CYP2A6: variants seen among roughly 807,000 people sequenced by gnomAD.
CYP2A6 encodes the protein cytochrome P450 family 2 subfamily A member 6.
CYP2A6 carries 27 observed loss-of-function variants against 42.3 expected under a neutral mutation model. The observed-to-expected ratio is 0.64, with a 90% confidence interval of 0.47 to 0.88. CYP2A6 has a LOEUF of 0.88. Among genes scored for constraint, CYP2A6 ranks in the 40% least tolerant of loss-of-function variants. The pLI is 0.00. For synonymous variants in CYP2A6, 238 were observed against 246.3 expected (o/e 0.97, Z 0.31); for missense variants, 628 against 646.0 (o/e 0.97, Z 0.30).
At chr19:40,846,765 T>G in intron 5 of CYP2A6, 110 bp downstream of exon 5, 2 of 1,471,524 alleles carry the variant, frequency 1.4e-6, no homozygotes, top group African/African-American at 2.8e-5. Flanking sequence ...GTGAGGATTA[T>G]TATGATGAGG....
rs572409006 is a variant in CYP2A6 at position 40,848,384 on chromosome 19, G to C, written c.494-5C>G. The C allele has an allele frequency of 3.7e-5, 59 of 1,611,782 alleles. No homozygotes were observed. In the Admixed American group the frequency reaches 8.3e-4, roughly 23 times the overall value. ...AGGTGGGATCGATATTGGCGCCTGC[G>C]GGTATGGCGGGAGAAGGGGGTTGGG... On this transcript the variant is annotated splice_region_variant and splice_polypyrimidine_tract_variant and intron_variant, in intron 3 of 8. Transcript: ENST00000301141.
rs1313497071 is a variant in CYP2A6 at position 40,843,701 on chromosome 19, C to T, written c.*95G>A. On this transcript the variant is annotated 3_prime_UTR_variant, in exon 9 of 9. Transcript: ENST00000301141. The stretch of plus-strand genomic sequence containing the variant: ...ACGCCCCTTCCTTTCCGCCATCCTG[C>T]CCCCAGTCTTAGCTGCGCCCCTCTC... 6 of 1,308,048 alleles carry T rather than the reference C, an allele frequency of 4.6e-6. 1 individual carries two copies. Among genetic ancestry groups the T allele is most frequent in the African/African-American group, 2.9e-5 (2 of 68,568 alleles). The allele number at this position is 1,308,048 out of a possible 1,614,324, so 81.0% of individuals were successfully genotyped here.
In CYP2A6 at chr19:40,845,926, C is replaced by T. The variant is rs375518878; in HGVS notation, c.973+30G>A. ...GAAGGGGAATTTTGAGGGTCTGGGG[C>T]CCTCCACTTCCGTCCCCCTCCAGCC... On this transcript the variant is annotated intron_variant, in intron 6 of 8. Transcript: ENST00000301141. 83 of 1,606,066 alleles carry T rather than the reference C, an allele frequency of 5.2e-5. 3 individuals are homozygous for T. The African/African-American group carries it at 1.0e-3, about 20-fold the overall frequency.
intron 4 of CYP2A6, 69 bp downstream of exon 4, chr19:40,848,150 T>A: frequency 6.3e-7 from 1 of 1,590,826 alleles, no homozygotes; most frequent in African/African-American, 1.3e-5. Flanking sequence ...TTGGGGCACC[T>A]GTCTCCAGGT....
In CYP2A6 at chr19:40,850,179, C is replaced by A. The variant is rs1485253640; in HGVS notation, c.180+68G>T. 101 of 1,570,916 alleles carry A rather than the reference C, an allele frequency of 6.4e-5. 4 individuals are homozygous for A. The highest frequency in any genetic ancestry group is 7.9e-5 in the Non-Finnish European group (91 of 1,157,406). ...ACTCTGGTCCACACTGGTCAACCCCCTGCCACAAAGCCCCAGCCAACTAGG... is the reference window on the plus strand; with the variant it reads ...ACTCTGGTCCACACTGGTCAACCCCATGCCACAAAGCCCCAGCCAACTAGG... On this transcript the variant is annotated intron_variant, in intron 1 of 8. Transcript: ENST00000301141.
At chr19:40,848,836 C>T in intron 2 of CYP2A6, 73 bp from the exon 3 acceptor site, 2 of 1,531,350 alleles carry the variant, frequency 1.3e-6, no homozygotes, top group South Asian at 1.2e-5. Flanking sequence ...CTCCAAGGGG[C>T]TCCCCAAGGG....
intron 2 of CYP2A6, among the ~76,000 whole-genome samples, chr19:40,849,602 T>C (rs947393621): frequency 4.7e-5 from 7 of 149,018 alleles, no homozygotes; most frequent in African/African-American, 1.0e-4. Context: ...AATAAGGAGG[T>C]GGGGCAGAGA....
At chr19:40,848,792 A>G (rs1385282665) in intron 2 of CYP2A6, 29 bp from the exon 3 acceptor site, 27 of 1,595,510 alleles carry the variant, frequency 1.7e-5, no homozygotes, top group Non-Finnish European at 2.2e-5. Flanking sequence ...GAATGGAGAC[A>G]GGCCAGGGGG....
At chr19:40,850,017 C>T in intron 1 of CYP2A6, 37 bp from the exon 2 acceptor site, 1 of 1,606,634 alleles carries the variant, frequency 6.2e-7, no homozygotes, top group Non-Finnish European at 8.5e-7. Flanking sequence ...GAGGGAGAAG[C>T]CTCCACTCTG....
rs551667439 is a variant in CYP2A6, at chr19:40,847,342, G to A, written c.655-291C>T. ...CACATCTAGGTGTTCAGATATTCAA[G>A]TGAAGTTGAGTTGGAAGACACCTGT... On this transcript the variant is annotated intron_variant, in intron 4 of 8. Coordinates refer to ENST00000301141, the MANE Select transcript of CYP2A6 (RefSeq NM_000762.6). Among the ~76,000 whole-genome samples the A allele has an allele frequency of 7.9e-5, 12 of 151,402 alleles. No homozygotes were observed. The South Asian group carries it at 1.3e-3, about 16-fold the overall frequency.
rs1002622294 is a variant in CYP2A6, at chr19:40,844,106, A to G, written c.1304-129T>C. On this transcript the variant is annotated intron_variant, in intron 8 of 8. Transcript: ENST00000301141. ...ATATTATGGCCTGAGAGAGTTTCAG[A>G]GGAGGCTCTGATCCTCCCTGAGCCT... 219 of 1,443,998 alleles carry G rather than the reference A, an allele frequency of 1.5e-4. 3 individuals are homozygous for G. Among genetic ancestry groups the G allele is most frequent in the Non-Finnish European group, 2.0e-4 (217 of 1,096,566 alleles). 89.4% of individuals were successfully genotyped at this position (1,443,998 alleles called of 1,614,324 possible).
chr19:40,849,268 G>A (rs1967178677), intron 2 of CYP2A6, among the ~76,000 whole-genome samples: 1 of 150,908 alleles, frequency 6.6e-6, no homozygotes, highest in Admixed American at 6.6e-5. Context: ...AGATCTGGGA[G>A]GAGGAAATAA....
intron 5 of CYP2A6, 74 bp downstream of exon 5, chr19:40,846,801 C>T: frequency 6.4e-7 from 1 of 1,572,680 alleles, no homozygotes; most frequent in South Asian, 1.2e-5. Flanking sequence ...CCTGTGTCAT[C>T]TGCCTGCCCC....
At position 40,843,854 on chromosome 19, in the gene CYP2A6, T is replaced by C. The variant is rs6413474; in HGVS notation, c.1427A>G (p.Lys476Arg). The stretch of plus-strand genomic sequence containing the variant: ...TGGGATCGTGGCAAAGCCCACGTGT[T>C]TGGGGGACACGTCAATGTCCTTAGG... ...QSPKDIDVSP[K>R]HVGFATIPRN... The change falls in exon 9 of 9, where the codon AAA (lysine) becomes AGA (arginine). Residue 476 changes from lysine to arginine, a missense_variant. Lys to Arg is a conservative substitution (Grantham distance 26, BLOSUM62 2). Transcript: ENST00000301141. 20,844 of 1,611,382 alleles carry C rather than the reference T, an allele frequency of 0.013. 156 individuals carry two copies. The highest frequency in any genetic ancestry group is 0.02 in the South Asian group (1,804 of 90,846).
intron 2 of CYP2A6, among the ~76,000 whole-genome samples, chr19:40,849,037 G>A (rs201245811): frequency 0.21 from 3,172 of 14,994 alleles, 637 homozygotes; most frequent in African/African-American, 0.32. Context: ...AGAGAGAGAA[G>A]AGAGAGAGGA....
In CYP2A6 at chr19:40,850,423, G is replaced by A. The variant is rs750666218; in HGVS notation, c.4C>T (p.Leu2=). The change falls in exon 1 of 9, where the codon CTG becomes TTG. Residue 2 remains leucine, a synonymous_variant. Coordinates refer to ENST00000301141, the MANE Select transcript of CYP2A6 (RefSeq NM_000762.6). ...GCCACCAGAAGCATCCCTGAGGCCA[G>A]CATGGTGGTAGTGGGATGATAGATG... The part of the protein sequence containing the change: M[L]ASGMLLVALL... 3.1e-6 allele frequency: 5 copies of A among 1,608,526 alleles called. No homozygotes were observed. The South Asian group carries it at 4.4e-5, about 14-fold the overall frequency.
At position 40,845,401 on chromosome 19, in the gene CYP2A6, T is replaced by C. The variant is rs772796330; in HGVS notation, c.1054A>G (p.Met352Val). ...KFEDRAKMPY[M>V]EAVIHEIQRF... Reference sequence around the variant, plus strand: ...TGGATCTCGTGGATCACTGCCTCCATGTAGGGCATCTTGGCCCGGTCCTCA... The same window carrying C: ...TGGATCTCGTGGATCACTGCCTCCACGTAGGGCATCTTGGCCCGGTCCTCA... The change falls in exon 7 of 9, where the codon ATG becomes GTG. Residue 352 changes from methionine (M) to valine (V), a missense_variant. Coordinates refer to ENST00000301141, the MANE Select transcript of CYP2A6 (RefSeq NM_000762.6). 1.4e-5 allele frequency: 22 copies of C among 1,611,658 alleles called. No individual in the cohort carries two copies. Among genetic ancestry groups the C allele is most frequent in the African/African-American group, 9.4e-5 (7 of 74,588 alleles).
intron 4 of CYP2A6, among the ~76,000 whole-genome samples, chr19:40,847,538 T>G (rs1967120879): frequency 6.6e-6 from 1 of 151,414 alleles, no homozygotes; most frequent in Admixed American, 6.6e-5. Flanking sequence ...GTGAAGATGT[T>G]GAAGTGGAGG....
chr19:40,849,045 G>GAGAGAGAAGAGAGAGAGGAGAGAGAGA (rs1235580651), intron 2 of CYP2A6, among the ~76,000 whole-genome samples: 2 of 24,238 alleles, frequency 8.3e-5, no homozygotes, highest in African/African-American at 2.0e-4. Flanking sequence ...AAGAGAGAGA[G>GAGAGAGAAGAGAGAGAGGAGAGAGAGA]GAGAGAGAGA....
Sources: gnomAD v4.1 joint callset for allele counts (sites outside exome capture counted in the v4.1 genomes callset) on GRCh38, gnomAD v4.1.1 for gene constraint, MANE v1.5 for transcripts, NCBI Gene and HGNC (gene_info 2026-07-23, HGNC 2026-07-21) for gene names.